Variants in PTPRD observed in about 807,000 individuals in gnomAD.
PTPRD encodes the protein protein tyrosine phosphatase receptor type D.
Under a neutral mutation model 214.5 loss-of-function variants are expected in PTPRD, and 34 were observed. The observed-to-expected ratio is 0.16, with a 90% CI of 0.12 to 0.21. PTPRD has a LOEUF of 0.21. Among genes scored for constraint, PTPRD ranks in the 10% least tolerant of loss-of-function variants. The probability of loss-of-function intolerance (pLI) is 1.00; values close to 1 mark genes in which losing one functional copy is unlikely to be tolerated. For synonymous variants in PTPRD, 1,128 were observed against 845.7 expected, an observed-to-expected ratio of 1.33 and a Z score of -5.79; for missense variants, 2,545 against 2,398.7, an observed-to-expected ratio of 1.06 and a Z score of -1.27.
At chr9:8,429,141 T>A (rs2094884571) in intron 35 of PTPRD, among the ~76,000 whole-genome samples, 1 of 152,220 alleles carries the variant, frequency 6.6e-6, no homozygotes, top group African/African-American at 2.4e-5. Flanking sequence ...AAATTTTAAA[T>A]ATCAATATTT....
chr9:8,544,529 A>G (rs2014861), intron 14 of PTPRD, among the ~76,000 whole-genome samples: 15,359 of 133,554 alleles, frequency 0.12, 846 homozygotes, highest in South Asian at 0.19. Flanking sequence ...AAGTGCAGGG[A>G]CGTGATCTCG....
chr9:10,395,499 T>C (rs2098151158), intron 2 of PTPRD, among the ~76,000 whole-genome samples: 1 of 151,908 alleles, frequency 6.6e-6, no homozygotes, highest in Admixed American at 6.6e-5. Flanking sequence ...TGAAAAAAAC[T>C]TCAATTAAAC....
intron 2 of PTPRD, among the ~76,000 whole-genome samples, chr9:10,494,923 C>T (rs987842040): frequency 6.6e-6 from 1 of 151,626 alleles, no homozygotes; most frequent in South Asian, 2.1e-4. Context: ...TGTTGACATA[C>T]AGATTTGGTA....
intron 3 of PTPRD, among the ~76,000 whole-genome samples, chr9:10,075,317 T>C (rs1208765190): frequency 6.6e-6 from 1 of 152,040 alleles, no homozygotes; most frequent in Non-Finnish European, 1.5e-5. Context: ...TTTTCCACAT[T>C]TTATTTTTAT....
At chr9:9,515,475 G>A (rs2096813978) in intron 8 of PTPRD, among the ~76,000 whole-genome samples, 1 of 151,880 alleles carries the variant, frequency 6.6e-6, no homozygotes, top group South Asian at 2.1e-4. Flanking sequence ...GAATTATGAG[G>A]AAGAAAAGAT....
At chr9:10,196,555 T>C (rs2099399069) in intron 3 of PTPRD, among the ~76,000 whole-genome samples, 1 of 152,186 alleles carries the variant, frequency 6.6e-6, no homozygotes, top group Non-Finnish European at 1.5e-5. Flanking sequence ...CAGCAAATGC[T>C]AATTCATTAT....
intron 4 of PTPRD, among the ~76,000 whole-genome samples, chr9:9,964,308 G>T (rs557491793): frequency 3.3e-5 from 5 of 152,116 alleles, no homozygotes; most frequent in African/African-American, 9.7e-5. Context: ...TTAGAAATAC[G>T]TTCTCTACTT....
intron 8 of PTPRD, among the ~76,000 whole-genome samples, chr9:9,465,401 A>G (rs572399543): frequency 1.3e-5 from 2 of 152,220 alleles, no homozygotes; most frequent in Non-Finnish European, 2.9e-5. Flanking sequence ...TATAAGGCTA[A>G]GAGCCAAAAA....
At chr9:8,969,293 C>G (rs891857228) in intron 11 of PTPRD, among the ~76,000 whole-genome samples, 2 of 152,012 alleles carry the variant, frequency 1.3e-5, no homozygotes, top group African/African-American at 4.8e-5. Flanking sequence ...CTGAGACAAC[C>G]ATCTTGGAGA....
chr9:10,414,732 C>A (rs1280016494), intron 2 of PTPRD, among the ~76,000 whole-genome samples: 1 of 151,786 alleles, frequency 6.6e-6, no homozygotes, highest in Non-Finnish European at 1.5e-5. Context: ...ATGTGGTACA[C>A]ATACACCATG....
At chr9:10,051,096 G>T (rs1371034679) in intron 3 of PTPRD, among the ~76,000 whole-genome samples, 1 of 152,046 alleles carries the variant, frequency 6.6e-6, no homozygotes, top group East Asian at 1.9e-4. Flanking sequence ...AAAAAATGCA[G>T]AAGCCACTGA....
chr9:8,899,368 C>T (rs1285969823), intron 11 of PTPRD, among the ~76,000 whole-genome samples: 1 of 152,108 alleles, frequency 6.6e-6, no homozygotes, highest in African/African-American at 2.4e-5. Context: ...TGTTCTCAAA[C>T]ATTAATTCAA....
intron 9 of PTPRD, among the ~76,000 whole-genome samples, chr9:9,395,603 C>T (rs1366842853): frequency 6.6e-6 from 1 of 152,028 alleles, no homozygotes; most frequent in Non-Finnish European, 1.5e-5. Flanking sequence ...TACCAGTGGA[C>T]CAGTGGCAGA....
intron 2 of PTPRD, among the ~76,000 whole-genome samples, chr9:10,448,594 T>C (rs2098815638): frequency 6.6e-6 from 1 of 152,014 alleles, no homozygotes; most frequent in Non-Finnish European, 1.5e-5. Flanking sequence ...AAACTTTACA[T>C]GTATGATTTG....
At chr9:9,416,192 G>T (rs924957700) in intron 8 of PTPRD, among the ~76,000 whole-genome samples, 3 of 152,108 alleles carry the variant, frequency 2.0e-5, no homozygotes, top group Non-Finnish European at 4.4e-5. Context: ...CAACTCATCT[G>T]TCTTCAATTA....
chr9:9,562,913 A>C (rs1227289296), intron 8 of PTPRD, among the ~76,000 whole-genome samples: 1 of 152,214 alleles, frequency 6.6e-6, no homozygotes, highest in Non-Finnish European at 1.5e-5. Context: ...CCATGTGGGC[A>C]GACATCTTTG....
intron 7 of PTPRD, among the ~76,000 whole-genome samples, chr9:9,703,338 T>C (rs551259365): frequency 5.6e-4 from 86 of 152,266 alleles, no homozygotes; most frequent in African/African-American, 1.7e-3. Context: ...TATAGCAGTG[T>C]GAAAATGGAC....
At chr9:10,438,569 T>G (rs2098737829) in intron 2 of PTPRD, among the ~76,000 whole-genome samples, 1 of 151,726 alleles carries the variant, frequency 6.6e-6, no homozygotes, top group African/African-American at 2.4e-5. Flanking sequence ...AACTGGTTGA[T>G]TTCACATTCC....
chr9:8,420,045 G>C (rs540308600), intron 35 of PTPRD, among the ~76,000 whole-genome samples: 1 of 152,128 alleles, frequency 6.6e-6, no homozygotes, highest in South Asian at 2.1e-4. Context: ...CCCCTCACAT[G>C]GTACATGTAA....
Sources: allele counts gnomAD v4.1 joint callset (sites outside exome capture counted in the v4.1 genomes callset), GRCh38; gene constraint gnomAD v4.1.1; transcripts MANE v1.5; gene names NCBI Gene and HGNC (gene_info 2026-07-23, HGNC 2026-07-21).